Variants in DISC1 observed in about 807,000 individuals in gnomAD.
DISC1 encodes DISC1 scaffold protein.
DISC1 carries 57 observed loss-of-function variants against 84.5 expected under a neutral mutation model. The observed-to-expected ratio is 0.67, with a 90% confidence interval of 0.55 to 0.84. The LOEUF (loss-of-function observed/expected upper bound fraction) is 0.84, where lower values mean the gene tolerates loss of function less well. DISC1 is among the 40% of genes least tolerant of loss of function. The pLI, the probability that DISC1 is intolerant of heterozygous loss-of-function variation, is 0.00. For synonymous variants in DISC1, 411 were observed against 415.2 expected, an observed-to-expected ratio of 0.99 and a Z score of 0.12; for missense variants, 1,000 against 1,057.8, an observed-to-expected ratio of 0.95 and a Z score of 0.76.
In DISC1 at chr1:231,694,607, C is replaced by T. The variant is rs757157671; in HGVS notation, c.849C>T (p.Asn283=). 1.2e-6 allele frequency: 2 copies of T among 1,614,276 alleles called. No homozygotes were observed. The change falls in exon 2 of 13, where the codon AAC becomes AAT. Residue 283 remains asparagine, a synonymous_variant. Coordinates refer to ENST00000439617, the MANE Select transcript of DISC1 (RefSeq NM_018662.3). ...VSADLAQAAR[N]SSRPERDMHS... ...CAGACTTGGCCCAGGCCGCAAGGAACAGCTCCAGGCCAGAGCGTGACATGC... is the reference window on the plus strand; with the variant it reads ...CAGACTTGGCCCAGGCCGCAAGGAATAGCTCCAGGCCAGAGCGTGACATGC...
At chr1:231,808,751 GC>G (rs1353541139) in intron 8 of DISC1, among the ~76,000 whole-genome samples, 1 of 152,174 alleles carries the variant, frequency 6.6e-6, no homozygotes, top group Non-Finnish European at 1.5e-5. Context: ...TTCAGTTTAT[GC>G]CCCCCTGCCC....
chr1:231,698,683 C>G lies in DISC1; in HGVS notation c.1048-3272C>G, dbSNP rs199689480. On this transcript the variant is annotated intron_variant, in intron 2 of 12. Coordinates refer to ENST00000439617, the MANE Select transcript of DISC1 (RefSeq NM_018662.3). The surrounding 1 kb of genome is among the most constrained non-coding windows in gnomAD (Gnocchi z 4.9). The stretch of plus-strand genomic sequence containing the variant: ...GCTGTAAATGAATTTTTTTCCTGAC[C>G]TTGTTTCCTGCATTTCTTCAGCTTC... Among the ~76,000 whole-genome samples, 2 of 152,114 alleles carry G rather than the reference C, an allele frequency of 1.3e-5. No homozygotes were observed. Among genetic ancestry groups the G allele is most frequent in the Admixed American group, 1.3e-4 (2 of 15,278 alleles).
intron 8 of DISC1, chr1:231,815,160 T>C (rs1233130630): frequency 1.3e-5 from 2 of 152,090 alleles, no homozygotes; most frequent in South Asian, 4.1e-4. Context: ...TCAATGTTCA[T>C]GCTTAAAAAT....
At chr1:231,952,999 T>G (rs932186954) in intron 9 of DISC1, among the ~76,000 whole-genome samples, 1 of 152,182 alleles carries the variant, frequency 6.6e-6, no homozygotes, top group Admixed American at 6.5e-5. Flanking sequence ...TCATGTGTTT[T>G]GTAACAATGA....
At chr1:231,841,498 GTGTGGTTGCTC>G (rs1405840582) in intron 9 of DISC1, among the ~76,000 whole-genome samples, 1 of 152,230 alleles carries the variant, frequency 6.6e-6, no homozygotes, top group East Asian at 1.9e-4. Context: ...TCATTGGTCA[GTGTGGTTGCTC>G]TGTGCATCAT....
At chr1:231,975,392 A>G (rs1434091840) in intron 10 of DISC1, among the ~76,000 whole-genome samples, 3 of 152,116 alleles carry the variant, frequency 2.0e-5, no homozygotes, top group Admixed American at 6.5e-5. Context: ...AATTAGTACA[A>G]CCTCTGTGGA....
At chr1:232,004,113 T>G (rs1041794006) in intron 10 of DISC1, among the ~76,000 whole-genome samples, 2 of 151,564 alleles carry the variant, frequency 1.3e-5, no homozygotes, top group African/African-American at 2.4e-5. Flanking sequence ...TATTATAACA[T>G]TAAAATTTCA....
Position 231,698,755 on chromosome 1 carries a change from G to A in DISC1, c.1048-3200G>A, listed in dbSNP as rs1262176713. On this transcript the variant is annotated intron_variant, in intron 2 of 12. Transcript: ENST00000439617. The surrounding 1 kb of genome is among the most constrained non-coding windows in gnomAD (Gnocchi z 4.9). ...ATACCATCATTTGGGTGTGGCGATG[G>A]TAATGCTATAGCTTTATGTGGCCCT... is the stretch of plus-strand genomic sequence containing the variant. 2.0e-5 allele frequency among the ~76,000 whole-genome samples: 3 copies of A among 152,272 alleles called. No individual in the cohort carries two copies. Among genetic ancestry groups the A allele is most frequent in the African/African-American group, 7.2e-5 (3 of 41,554 alleles).
At chr1:231,894,774 T>C (rs1352593685) in intron 9 of DISC1, among the ~76,000 whole-genome samples, 1 of 146,160 alleles carries the variant, frequency 6.8e-6, no homozygotes, top group Non-Finnish European at 1.5e-5. Context: ...TGTGTGTGTG[T>C]GTGTGCATCT....
chr1:231,667,693 T>C (rs1023879539), intron 1 of DISC1, among the ~76,000 whole-genome samples: 2 of 152,238 alleles, frequency 1.3e-5, no homozygotes, highest in Non-Finnish European at 2.9e-5. Context: ...TCCTGCGTGA[T>C]GCTTCTGTTG....
rs911577021 is a variant in DISC1 at position 231,771,327 on chromosome 1, A to G, written c.1634+257A>G. 8.7e-5 allele frequency: 86 copies of G among 984,874 alleles called. No homozygotes were observed. The African/African-American group carries it at 1.5e-3, about 17-fold the overall frequency. The allele number at this position is 984,874 out of a possible 1,614,324, so 61.0% of individuals were successfully genotyped here. Reference sequence around the variant, plus strand: ...CCCCATTCCAATATGCACCCTCCCCATTTCCAAACACCCTCAGGACACCCT... The same window carrying G: ...CCCCATTCCAATATGCACCCTCCCCGTTTCCAAACACCCTCAGGACACCCT... On this transcript the variant is annotated intron_variant, in intron 6 of 12. Coordinates refer to ENST00000439617, the MANE Select transcript of DISC1 (RefSeq NM_018662.3).
intron 10 of DISC1, among the ~76,000 whole-genome samples, chr1:231,996,270 A>G (rs1040871708): frequency 1.3e-5 from 2 of 151,736 alleles, no homozygotes; most frequent in African/African-American, 4.8e-5. Flanking sequence ...GGTTGCGAAA[A>G]TTTTCTCCCA....
chr1:231,759,704 G>T (rs974761775), intron 4 of DISC1, among the ~76,000 whole-genome samples: 30 of 151,956 alleles, frequency 2.0e-4, no homozygotes, highest in Non-Finnish European at 3.5e-4. Context: ...AGATCTCATT[G>T]CAAAGAAAAA....
chr1:232,002,630 CACACACACAA>C (rs1219100804), intron 10 of DISC1, among the ~76,000 whole-genome samples: 15 of 122,254 alleles, frequency 1.2e-4, no homozygotes, highest in African/African-American at 4.7e-4. Context: ...CACACACACA[CACACACACAA>C]AAGCCAATCC....
At chr1:231,864,751 G>C (rs938170665) in intron 9 of DISC1, among the ~76,000 whole-genome samples, 4 of 152,174 alleles carry the variant, frequency 2.6e-5, no homozygotes, top group African/African-American at 9.7e-5. Context: ...CGTTTAAAAA[G>C]AAAGGTAGAT....
intron 9 of DISC1, among the ~76,000 whole-genome samples, chr1:231,888,250 T>TGCAC (rs2086918587): frequency 6.6e-6 from 1 of 152,154 alleles, no homozygotes; most frequent in African/African-American, 2.4e-5. Flanking sequence ...GAAGAGCAAC[T>TGCAC]GCACGGCGTC....
intron 9 of DISC1, among the ~76,000 whole-genome samples, chr1:231,958,535 A>T (rs558845647): frequency 6.6e-6 from 1 of 152,224 alleles, no homozygotes; most frequent in South Asian, 2.1e-4. Flanking sequence ...AGCACATGTC[A>T]TCCAGTGATA....
intron 9 of DISC1, chr1:231,866,652 A>G (rs1032533751): frequency 1.3e-6 from 2 of 1,550,176 alleles, no homozygotes; most frequent in Non-Finnish European, 1.7e-6. Flanking sequence ...CTCAACTACT[A>G]TTAATTGAAA....
chr1:231,989,273 C>T (rs543559995), intron 10 of DISC1, among the ~76,000 whole-genome samples: 11 of 152,320 alleles, frequency 7.2e-5, no homozygotes, highest in South Asian at 4.1e-4. Flanking sequence ...TTTCAGCTGA[C>T]GGTCCACCCA....
Sources: gnomAD v4.1 joint callset for allele counts (sites outside exome capture counted in the v4.1 genomes callset) on GRCh38, gnomAD v4.1.1 for gene constraint, Gnocchi (gnomAD v3.1) non-coding constraint, MANE v1.5 for transcripts, NCBI Gene and HGNC (gene_info 2026-07-23, HGNC 2026-07-21) for gene names.